Variants in VAT1L observed in about 807,000 individuals in gnomAD.
The protein encoded by VAT1L is putative NADPH-dependent quinone oxidoreductase VAT1L.
In VAT1L, 34 loss-of-function variants were observed where a neutral mutation model predicts 44.1. The ratio of observed to expected loss-of-function variants is 0.77; its 90% CI spans 0.59 to 1.03. The LOEUF (loss-of-function observed/expected upper bound fraction) is 1.03, where lower values mean the gene tolerates loss of function less well. VAT1L is among the 50% of genes least tolerant of loss of function. VAT1L has a pLI of 0.00. For synonymous variants in VAT1L, 253 were observed against 202.2 expected, an observed-to-expected ratio of 1.25 and a Z score of -2.13; for missense variants, 615 against 538.8, an observed-to-expected ratio of 1.14 and a Z score of -1.40.
intron 7 of VAT1L, among the ~76,000 whole-genome samples, chr16:77,894,319 G>A (rs1293979873): frequency 6.6e-6 from 1 of 152,206 alleles, no homozygotes; most frequent in Non-Finnish European, 1.5e-5. Flanking sequence ...AACAGCCTTT[G>A]GGTTTGGCCC....
At chr16:77,795,279 G>GTT (rs768413009) in intron 1 of VAT1L, among the ~76,000 whole-genome samples, 5 of 82,896 alleles carry the variant, frequency 6.0e-5, no homozygotes, top group Non-Finnish European at 1.4e-4. Flanking sequence ...ATTTACAGTG[G>GTT]GGGCGGGGGG....
At chr16:77,893,631 C>G (rs1306786865) in intron 7 of VAT1L, among the ~76,000 whole-genome samples, 1 of 152,216 alleles carries the variant, frequency 6.6e-6, no homozygotes, top group African/African-American at 2.4e-5. Flanking sequence ...AGAGGATTCG[C>G]TAAGTACTAG....
chr16:77,884,677 C>G lies in VAT1L; in HGVS notation c.952C>G (p.Leu318Val), dbSNP rs1331497150. The change falls in exon 7 of 9, where the codon CTT becomes GTT. Residue 318 changes from leucine (L) to valine (V), a missense_variant. Leu to Val is a conservative substitution (Grantham distance 32, BLOSUM62 1). Coordinates refer to ENST00000302536, the MANE Select transcript of VAT1L (RefSeq NM_020927.3). This position sits in a 1 kb window ranked among gnomAD's most constrained non-coding sequence, Gnocchi z 4.5. Reference sequence around the variant, plus strand: ...GAACAAAGTCATCGCGGGGTTTTCCCTTTTAAATCTGCTCTTCAAACAAGG... The same window carrying G: ...GAACAAAGTCATCGCGGGGTTTTCCGTTTTAAATCTGCTCTTCAAACAAGG... ...EENKVIAGFSLLNLLFKQGRA... is the reference protein window; with the variant it reads ...EENKVIAGFSVLNLLFKQGRA... 2 of 1,613,086 alleles carry G rather than the reference C, an allele frequency of 1.2e-6. No individual in the cohort carries two copies. Among genetic ancestry groups the G allele is most frequent in the Non-Finnish European group, 1.7e-6 (2 of 1,179,628 alleles).
At position 77,795,593 on chromosome 16, in the gene VAT1L, A is replaced by G. The variant is rs955029588; in HGVS notation, c.233+6678A>G. On this transcript the variant is annotated intron_variant, in intron 1 of 8. Coordinates refer to ENST00000302536, the MANE Select transcript of VAT1L (RefSeq NM_020927.3). ...GGATCAAAAGGAAGAGCCTGAAGGA[A>G]GAGCAGGAATGAAGGTGGATGGGTC... 5.3e-5 allele frequency among the ~76,000 whole-genome samples: 8 copies of G among 152,268 alleles called. No homozygotes were observed. In the East Asian group the frequency reaches 1.5e-3, roughly 29 times the overall value.
intron 6 of VAT1L, chr16:77,882,370 G>C (rs1416076309): frequency 6.6e-6 from 1 of 152,226 alleles, no homozygotes; most frequent in Admixed American, 6.5e-5. Flanking sequence ...AATAGAAGAA[G>C]TTAACATTTA....
At chr16:77,916,285 C>A (rs2017551212) in intron 7 of VAT1L, among the ~76,000 whole-genome samples, 1 of 152,158 alleles carries the variant, frequency 6.6e-6, no homozygotes, top group African/African-American at 2.4e-5. Context: ...ATGCTGCCTC[C>A]TCTAGAACTC....
chr16:77,921,755 T>TC (rs1454247756), intron 7 of VAT1L, among the ~76,000 whole-genome samples: 1 of 152,314 alleles, frequency 6.6e-6, no homozygotes, highest in East Asian at 1.9e-4. Context: ...CACTTTTTTT[T>TC]CTTTTTGAGA....
At position 77,926,197 on chromosome 16, in the gene VAT1L, G is replaced by A. The variant is rs575666143; in HGVS notation, c.1077+41395G>A. Among the ~76,000 whole-genome samples, 18 of 149,340 alleles carry A rather than the reference G, an allele frequency of 1.2e-4. No homozygotes were observed. The South Asian group carries it at 3.8e-3, about 32-fold the overall frequency. On this transcript the variant is annotated intron_variant, in intron 7 of 8. Coordinates refer to ENST00000302536, the MANE Select transcript of VAT1L (RefSeq NM_020927.3). The stretch of plus-strand genomic sequence containing the variant: ...GAACCCGGGAGGCGGAGCTTGCAGT[G>A]AGCCGAGATCGCACCACTGCACTCC...
intron 7 of VAT1L, among the ~76,000 whole-genome samples, chr16:77,892,009 T>A (rs757278644): frequency 1.1e-4 from 17 of 151,982 alleles, no homozygotes; most frequent in Non-Finnish European, 1.6e-4. Context: ...GAGGCGGAGG[T>A]TGCAGTGAGC....
At chr16:77,851,550 G>A (rs545318659) in intron 3 of VAT1L, among the ~76,000 whole-genome samples, 6 of 152,192 alleles carry the variant, frequency 3.9e-5, no homozygotes, top group African/African-American at 1.2e-4. Context: ...CTATATGAGA[G>A]GCTGAGGTGG....
At chr16:77,911,534 C>A (rs1036518064) in intron 7 of VAT1L, among the ~76,000 whole-genome samples, 1 of 152,192 alleles carries the variant, frequency 6.6e-6, no homozygotes, top group East Asian at 1.9e-4. Context: ...TAGGCCTATC[C>A]AAGACTTCAG....
chr16:77,916,277 G>A (rs901016059), intron 7 of VAT1L, among the ~76,000 whole-genome samples: 1 of 152,280 alleles, frequency 6.6e-6, no homozygotes, highest in East Asian at 1.9e-4. Flanking sequence ...CCTTGGAAAT[G>A]CTGCCTCCTC....
At chr16:77,916,554 C>A (rs1035921363) in intron 7 of VAT1L, among the ~76,000 whole-genome samples, 1 of 152,156 alleles carries the variant, frequency 6.6e-6, no homozygotes, top group African/African-American at 2.4e-5. Context: ...TGGCCTCAAG[C>A]AATTCTCCCC....
intron 7 of VAT1L, among the ~76,000 whole-genome samples, chr16:77,947,813 G>A (rs375469264): frequency 9.9e-5 from 15 of 152,282 alleles, no homozygotes; most frequent in South Asian, 2.1e-4. Context: ...TGGAGTTTGC[G>A]CAATGGCATG....
At chr16:77,814,019 C>A (rs1287476884) in intron 1 of VAT1L, among the ~76,000 whole-genome samples, 1 of 152,180 alleles carries the variant, frequency 6.6e-6, no homozygotes, top group Non-Finnish European at 1.5e-5. Context: ...CAGATCCTGA[C>A]TTTGACACTT....
Position 77,884,210 on chromosome 16 carries a change from G to C in VAT1L, c.883-398G>C, listed in dbSNP as rs971321940. The stretch of plus-strand genomic sequence containing the variant: ...ACTGTCCAAGGCGGGTGGATCACGA[G>C]GTCAGGAGTTCAAGACCAGCCTGGC... On this transcript the variant is annotated intron_variant, in intron 6 of 8. Transcript: ENST00000302536. This position sits in a 1 kb window ranked among gnomAD's most constrained non-coding sequence, Gnocchi z 4.5. 5.9e-5 allele frequency among the ~76,000 whole-genome samples: 9 copies of C among 152,000 alleles called. No individual in the cohort carries two copies. The highest frequency in any genetic ancestry group is 1.0e-4 in the Non-Finnish European group (7 of 68,014).
At chr16:77,816,284 A>G (rs1361756415) in intron 1 of VAT1L, among the ~76,000 whole-genome samples, 1 of 152,158 alleles carries the variant, frequency 6.6e-6, no homozygotes, top group African/African-American at 2.4e-5. Flanking sequence ...CAGTATTCCC[A>G]TATCTATTGG....
chr16:77,808,755 C>A (rs954486250), intron 1 of VAT1L, among the ~76,000 whole-genome samples: 12 of 152,142 alleles, frequency 7.9e-5, no homozygotes, highest in Non-Finnish European at 1.8e-4. Context: ...ACCACCACAC[C>A]TGGCTAATTT....
At chr16:77,892,828 G>T in intron 7 of VAT1L, 1 of 845,794 alleles carries the variant, frequency 1.2e-6, no homozygotes, top group East Asian at 2.4e-5. Context: ...AAGAAGGCAT[G>T]AATATTGTGG....
Sources: allele counts gnomAD v4.1 joint callset (sites outside exome capture counted in the v4.1 genomes callset), GRCh38; gene constraint gnomAD v4.1.1; non-coding constraint Gnocchi (gnomAD v3.1); transcripts MANE v1.5; gene names NCBI Gene and HGNC (gene_info 2026-07-23, HGNC 2026-07-21).